TMEM131: variants seen among roughly 807,000 people sequenced by gnomAD.
The protein encoded by TMEM131 is transmembrane protein 131, also known as 2610524E03Rik.
In TMEM131, 66 loss-of-function variants were observed where a neutral mutation model predicts 211.6. The ratio of observed to expected loss-of-function variants is 0.31; its 90% confidence interval spans 0.26 to 0.38. The LOEUF is 0.38. Among genes scored for constraint, TMEM131 ranks in the 10% least tolerant of loss-of-function variants. The pLI, the probability that TMEM131 is intolerant of heterozygous loss-of-function variation, is 1.00. For missense variants in TMEM131, 2,036 were observed against 2,299.3 expected, an observed-to-expected ratio of 0.89 and a Z score of 2.34; for synonymous variants, 844 against 841.3, an observed-to-expected ratio of 1.00 and a Z score of -0.06.
chr2:97,919,600 C>A (rs1458822736), intron 2 of TMEM131, among the ~76,000 whole-genome samples: 1 of 152,064 alleles, frequency 6.6e-6, no homozygotes, highest in Non-Finnish European at 1.5e-5. Context: ...GATGGAGTTT[C>A]ACCTTTGTTG....
intron 3 of TMEM131, among the ~76,000 whole-genome samples, chr2:97,901,813 G>C (rs10180434): frequency 0.34 from 52,416 of 151,970 alleles, 9,938 homozygotes; most frequent in Middle Eastern, 0.49. Context: ...GGAGGATGAA[G>C]AGAGGTAGGC....
At chr2:97,816,936 C>T (rs1339351986) in intron 12 of TMEM131, among the ~76,000 whole-genome samples, 1 of 152,134 alleles carries the variant, frequency 6.6e-6, no homozygotes, top group Non-Finnish European at 1.5e-5. Context: ...ACAGCAATCT[C>T]AGAGGTATTT....
intron 4 of TMEM131, among the ~76,000 whole-genome samples, chr2:97,877,509 T>C (rs1440602017): frequency 6.6e-6 from 1 of 152,044 alleles, no homozygotes; most frequent in Non-Finnish European, 1.5e-5. Context: ...AAAACAGATA[T>C]ATAGACCAAC....
intron 31 of TMEM131, among the ~76,000 whole-genome samples, chr2:97,781,744 G>C (rs779478245): frequency 9.9e-5 from 15 of 152,222 alleles, no homozygotes; most frequent in South Asian, 2.1e-4. Context: ...ACTGGAGGGA[G>C]ACTGGGGTCT....
intron 31 of TMEM131, among the ~76,000 whole-genome samples, chr2:97,782,135 G>A (rs1329626358): frequency 8.5e-5 from 13 of 152,200 alleles, no homozygotes; most frequent in Admixed American, 8.5e-4. Flanking sequence ...CCCTCCCTTT[G>A]CCACTGAGGT....
intron 5 of TMEM131, among the ~76,000 whole-genome samples, chr2:97,855,825 A>G (rs769272166): frequency 1.3e-5 from 2 of 152,238 alleles, no homozygotes; most frequent in Admixed American, 6.5e-5. Context: ...ATCTGCATAA[A>G]ATTCCATACT....
intron 4 of TMEM131, among the ~76,000 whole-genome samples, chr2:97,870,496 T>C (rs995745285): frequency 6.6e-6 from 1 of 152,098 alleles, no homozygotes; most frequent in East Asian, 1.9e-4. Context: ...GAAGCAGGCA[T>C]ACAGCTGTTC....
intron 4 of TMEM131, 187 bp downstream of exon 4, chr2:97,887,865 C>T (rs531091769): frequency 1.1e-5 from 5 of 475,614 alleles, no homozygotes; most frequent in African/African-American, 7.7e-5. Context: ...GTTAATATTA[C>T]ATGTTAGACT....
In TMEM131 at chr2:97,995,899, G is replaced by C. The variant is rs1001590460; in HGVS notation, c.-237C>G. 4.4e-6 allele frequency: 1 copy of C among 225,064 alleles called. No homozygotes were observed. Among genetic ancestry groups the C allele is most frequent in the Non-Finnish European group, 8.5e-6 (1 of 117,840 alleles). 13.9% of individuals were successfully genotyped at this position (225,064 alleles called of 1,614,324 possible). On this transcript the variant is annotated 5_prime_UTR_variant, in exon 1 of 41. Coordinates refer to ENST00000186436, the MANE Select transcript of TMEM131 (RefSeq NM_015348.2). ...CAAGCAGTCGGAGCGGAGAGGCCGC[G>C]GGTCAGGCGCGGCGGGCGGCCATAC... is the stretch of plus-strand genomic sequence containing the variant.
rs895960451 is a variant in TMEM131 at position 97,776,160 on chromosome 2, TCTC to T, written c.4145-145_4145-143del. ...GCTCCGCCTCCCGGGTTCACACCATTCTCCTGCCTCAGCCTCCTGAGTAGCTGG... is the reference window on the plus strand; with the variant it reads ...GCTCCGCCTCCCGGGTTCACACCATTCTGCCTCAGCCTCCTGAGTAGCTGG... On this transcript the variant is annotated intron_variant, in intron 31 of 40. Coordinates refer to ENST00000186436, the MANE Select transcript of TMEM131 (RefSeq NM_015348.2). 9 of 773,472 alleles carry T rather than the reference TCTC, an allele frequency of 1.2e-5. No individual in the cohort carries two copies. The Admixed American group carries it at 2.7e-4, about 23-fold the overall frequency. 47.9% of individuals were successfully genotyped at this position (773,472 alleles called of 1,614,324 possible).
At chr2:97,975,655 C>T (rs374419179) in intron 1 of TMEM131, among the ~76,000 whole-genome samples, 156 of 152,040 alleles carry the variant, frequency 1.0e-3, no homozygotes, top group African/African-American at 3.5e-3. Flanking sequence ...AAACTCCAAG[C>T]CTAGATGGCT....
intron 5 of TMEM131, among the ~76,000 whole-genome samples, chr2:97,853,519 T>C (rs1218406111): frequency 2.7e-5 from 4 of 150,464 alleles, no homozygotes; most frequent in Non-Finnish European, 5.9e-5. Flanking sequence ...GGCAGGAGAA[T>C]TGCTTGAACC....
chr2:97,966,730 C>A (rs528737125), intron 1 of TMEM131, among the ~76,000 whole-genome samples: 7 of 152,178 alleles, frequency 4.6e-5, no homozygotes, highest in Admixed American at 2.6e-4. Context: ...CCAAGCCCTA[C>A]AGATGATTCA....
At chr2:97,852,918 T>TA (rs1405652657) in intron 5 of TMEM131, among the ~76,000 whole-genome samples, 2 of 152,244 alleles carry the variant, frequency 1.3e-5, no homozygotes, top group Non-Finnish European at 2.9e-5. Flanking sequence ...AAATCTATTC[T>TA]ACCTGTGCTC....
intron 3 of TMEM131, among the ~76,000 whole-genome samples, chr2:97,897,231 T>C (rs2104314747): frequency 6.6e-6 from 1 of 152,272 alleles, no homozygotes; most frequent in South Asian, 2.1e-4. Context: ...GACAAAATCC[T>C]TTTTGTTTTT....
Position 97,812,701 on chromosome 2 carries a change from C to T in TMEM131, c.1666G>A (p.Val556Ile), listed in dbSNP as rs1282100105. 1 of 1,597,952 alleles carries T rather than the reference C, an allele frequency of 6.3e-7. No homozygotes were observed. Among genetic ancestry groups the T allele is most frequent in the Non-Finnish European group, 8.5e-7 (1 of 1,175,322 alleles). The change falls in exon 16 of 41, where the codon GTA becomes ATA. Residue 556 changes from valine to isoleucine, a missense_variant. Around this residue, in one of 3 missense-constraint regions of TMEM131, gnomAD observed 1,623 missense variants for 1,805.9 expected, o/e 0.90. Transcript: ENST00000186436. ...KIEERFIDFGVLSATEASNIL... is the reference protein window; with the variant it reads ...KIEERFIDFGILSATEASNIL... ...TTACTTGCTTCTGTAGCACTCAGTA[C>T]TCCAAAATCTATGAAACGTTCCTCT...
In TMEM131 at chr2:97,772,374, A is replaced by T. The variant is rs1339581766; in HGVS notation, c.4371T>A (p.Ser1457Arg). The change falls in exon 33 of 41, where the codon AGT becomes AGA. Residue 1457 changes from serine (S) to arginine (R), a missense_variant. By Grantham distance (110) the Ser-to-Arg change is moderately radical. This residue lies in a region of TMEM131 where 1,623 missense variants were observed against 1,805.9 expected (regional missense o/e 0.90). Coordinates refer to ENST00000186436, the MANE Select transcript of TMEM131 (RefSeq NM_015348.2). ...TTTTTTGCTTCACTTGAGACATTTC[A>T]CTTTCATGTTTTTCAGGCATGGCTT... is the stretch of plus-strand genomic sequence containing the variant. ...GKQAMPEKHE[S>R]EMSQVKQKSK... 2.5e-6 allele frequency: 4 copies of T among 1,609,264 alleles called. No homozygotes were observed. The highest frequency in any genetic ancestry group is 3.4e-6 in the Non-Finnish European group (4 of 1,178,852).
intron 6 of TMEM131, among the ~76,000 whole-genome samples, chr2:97,842,498 G>A (rs2105102167): frequency 7.2e-6 from 1 of 138,570 alleles, no homozygotes; most frequent in South Asian, 2.1e-4. Flanking sequence ...GAGACAGACT[G>A]GATACCAATA....
rs765517292 is a variant in TMEM131, at chr2:97,805,633, C to T, written c.2126G>A (p.Arg709Gln). 83 of 1,611,042 alleles carry T rather than the reference C, an allele frequency of 5.2e-5. No homozygotes were observed. Among genetic ancestry groups the T allele is most frequent in the Admixed American group, 6.7e-5 (4 of 59,910 alleles). ...AAATCGCACATCTTCTGACAAAGATCGTATTTGCTGTATTTTTACCTTCTG... is the reference window on the plus strand; with the variant it reads ...AAATCGCACATCTTCTGACAAAGATTGTATTTGCTGTATTTTTACCTTCTG... ...FSQKVKIQQIRSLSEDVRFYY... is the reference protein window; with the variant it reads ...FSQKVKIQQIQSLSEDVRFYY... Residue 709 changes from arginine (R) to glutamine (Q), a missense_variant, in exon 20 of 41, where the codon CGA becomes CAA. Transcript: ENST00000186436.
Sources: gnomAD v4.1 joint callset for allele counts (sites outside exome capture counted in the v4.1 genomes callset) on GRCh38, gnomAD v4.1.1 for gene constraint, gnomAD v4.1.1 regional missense constraint, MANE v1.5 for transcripts, NCBI Gene and HGNC (gene_info 2026-07-23, HGNC 2026-07-21) for gene names.